The following PRKCD variants were observed in gnomAD, a reference collection of about 807,000 sequenced individuals.
PRKCD encodes protein kinase C delta, also known as protein kinase C delta type.
PRKCD carries 20 observed loss-of-function variants against 82.2 expected under a neutral mutation model. The observed-to-expected ratio is 0.24, with a 90% CI of 0.17 to 0.35. The LOEUF is 0.35. PRKCD is among the 10% of genes least tolerant of loss of function. PRKCD has a pLI of 1.00. For missense variants in PRKCD, 607 were observed against 899.0 expected, an observed-to-expected ratio of 0.68 and a Z score of 4.15; for synonymous variants, 317 against 337.0, an observed-to-expected ratio of 0.94 and a Z score of 0.65.
chr3:53,186,465 C>T, intron 13 of PRKCD, 125 bp downstream of exon 13: 5 of 1,255,222 alleles, frequency 4.0e-6, no homozygotes, highest in South Asian at 2.7e-5. Flanking sequence ...TTTCCCCCCT[C>T]ATGCCTCCCA....
At chr3:53,170,493 A>G (rs1006780215) in intron 2 of PRKCD, among the ~76,000 whole-genome samples, 3 of 152,220 alleles carry the variant, frequency 2.0e-5, no homozygotes, top group Non-Finnish European at 1.5e-5. Flanking sequence ...AACCTCCACC[A>G]TAGCCTCAGG....
At chr3:53,182,036 C>T (rs782637424) in intron 7 of PRKCD, 38 of 539,576 alleles carry the variant, frequency 7.0e-5, no homozygotes, top group African/African-American at 2.0e-4. Flanking sequence ...CTCTTTTCCT[C>T]GGAGAGGCAA....
chr3:53,179,579 C>T lies in PRKCD; in HGVS notation c.118C>T (p.Arg40Cys), dbSNP rs771826283. The change falls in exon 4 of 19, where the codon CGT becomes TGT. Residue 40 changes from arginine (R) to cysteine (C), a missense_variant and splice_region_variant. Around this residue, in one of 5 missense-constraint regions of PRKCD, gnomAD observed 161 missense variants for 227.0 expected, o/e 0.71. Coordinates refer to ENST00000330452, the MANE Select transcript of PRKCD (RefSeq NM_006254.4). ...VKMKEALSTE[R>C]GKTLVQKKPT... ...TTCTCTGCCTGGCCTTGTTGCAGAGCGTGGGAAAACACTGGTGCAGAAGAA... is the reference window on the plus strand; with the variant it reads ...TTCTCTGCCTGGCCTTGTTGCAGAGTGTGGGAAAACACTGGTGCAGAAGAA... 2.5e-6 allele frequency: 4 copies of T among 1,614,138 alleles called. No individual in the cohort carries two copies. The highest frequency in any genetic ancestry group is 3.4e-6 in the Non-Finnish European group (4 of 1,180,008).
intron 2 of PRKCD, among the ~76,000 whole-genome samples, chr3:53,165,723 C>A (rs782069849): frequency 7.9e-5 from 12 of 152,236 alleles, no homozygotes; most frequent in Non-Finnish European, 1.6e-4. Context: ...CAGGCCCCTC[C>A]ATTTTCCCCA....
At position 53,181,707 on chromosome 3, in the gene PRKCD, C is replaced by A. The variant is rs1157399584; in HGVS notation, c.546C>A (p.Leu182=). The A allele has an allele frequency of 1.2e-6, 2 of 1,613,044 alleles. No individual in the cohort carries two copies. The highest frequency in any genetic ancestry group is 2.7e-5 in the African/African-American group (2 of 75,054). ...CCTGGGTTTTGCCTTTCAGGGGCCTCAACAAGCAAGGCTACAAATGCAGGC... is the reference window on the plus strand; with the variant it reads ...CCTGGGTTTTGCCTTTCAGGGGCCTAAACAAGCAAGGCTACAAATGCAGGC... ...CSVCKDFVWG[L]NKQGYKCRQC... The change falls in exon 7 of 19, where the codon CTC becomes CTA. Residue 182 remains leucine (L), a synonymous_variant. Coordinates refer to ENST00000330452, the MANE Select transcript of PRKCD (RefSeq NM_006254.4).
intron 8 of PRKCD, 55 bp from the exon 9 acceptor site, chr3:53,183,397 A>C: frequency 6.2e-7 from 1 of 1,606,544 alleles, no homozygotes. Context: ...CTAGGGGTTG[A>C]AGAAGAGGCT....
At chr3:53,189,385 G>T in intron 17 of PRKCD, 139 bp downstream of exon 17, 1 of 934,714 alleles carries the variant, frequency 1.1e-6, no homozygotes, top group Non-Finnish European at 1.6e-6. Flanking sequence ...ACGGGGTATT[G>T]CTCTCTCACC....
chr3:53,168,379 T>A (rs1352169348), intron 2 of PRKCD, among the ~76,000 whole-genome samples: 1 of 151,500 alleles, frequency 6.6e-6, no homozygotes, highest in African/African-American at 2.4e-5. Flanking sequence ...AGGCTGGGGA[T>A]GAGGAGTGTT....
intron 2 of PRKCD, 42 bp from the exon 3 acceptor site, chr3:53,178,361 TG>T: frequency 7.2e-7 from 1 of 1,395,578 alleles, no homozygotes; most frequent in Non-Finnish European, 1.0e-6. Flanking sequence ...CTGTTCCCGC[TG>T]GTCCCGCCCG....
At chr3:53,167,847 A>G (rs963002871) in intron 2 of PRKCD, among the ~76,000 whole-genome samples, 5 of 152,184 alleles carry the variant, frequency 3.3e-5, no homozygotes, top group South Asian at 4.1e-4. Context: ...CATCCCCCTC[A>G]ATTCTACCTC....
intron 15 of PRKCD, 115 bp from the exon 16 acceptor site, chr3:53,188,605 C>T (rs1703800604): frequency 1.5e-6 from 2 of 1,362,286 alleles, no homozygotes; most frequent in Non-Finnish European, 2.0e-6. Flanking sequence ...TTCTCATTCC[C>T]TTGTACCCTT....
At chr3:53,189,444 C>T (rs1703843443) in intron 17 of PRKCD, among the ~76,000 whole-genome samples, 198 bp downstream of exon 17, 3 of 152,182 alleles carry the variant, frequency 2.0e-5, no homozygotes, top group Admixed American at 6.5e-5. Context: ...ATCAGCCTGA[C>T]ATGGTGACTA....
intron 2 of PRKCD, among the ~76,000 whole-genome samples, chr3:53,167,351 G>A (rs1270049890): frequency 6.6e-6 from 1 of 152,176 alleles, no homozygotes. Context: ...GGCAGGTCAC[G>A]AAGTCCCCTG....
At chr3:53,188,187 CAAAAAAAAAAAAAA>C (rs557772373) in intron 15 of PRKCD, among the ~76,000 whole-genome samples, 4 of 45,588 alleles carry the variant, frequency 8.8e-5, no homozygotes, top group Non-Finnish European at 1.2e-4. Context: ...GACTGTGTCT[CAAAAAAAAAAAAAA>C]AAAAAAAAAA....
chr3:53,183,245 G>C, intron 8 of PRKCD, 39 bp downstream of exon 8: 2 of 1,605,688 alleles, frequency 1.2e-6, no homozygotes, highest in Non-Finnish European at 1.7e-6. Flanking sequence ...GATCTGGGGG[G>C]CTTGGCCAGA....
At chr3:53,168,755 A>G (rs1702915752) in intron 2 of PRKCD, among the ~76,000 whole-genome samples, 1 of 150,088 alleles carries the variant, frequency 6.7e-6, no homozygotes. Context: ...CGGGAACTGA[A>G]AGGGGTCAGC....
chr3:53,186,498 C>T lies in PRKCD; in HGVS notation c.1261-106C>T, dbSNP rs138483122. On this transcript the variant is annotated intron_variant, in intron 13 of 18. Coordinates refer to ENST00000330452, the MANE Select transcript of PRKCD (RefSeq NM_006254.4). ...CCAGGGCAGAGTCGTCCACCTCAGC[C>T]AGGGCCTGTCCCTGCTGTTTCCTGT... 3.5e-4 allele frequency: 480 copies of T among 1,381,496 alleles called. 4 individuals are homozygous for T. The African/African-American group carries it at 6.2e-3, about 18-fold the overall frequency. The allele number at this position is 1,381,496 out of a possible 1,614,324, so 85.6% of individuals were successfully genotyped here.
chr3:53,185,759 G>C, intron 11 of PRKCD, 59 bp downstream of exon 11: 1 of 1,571,408 alleles, frequency 6.4e-7, no homozygotes, highest in Non-Finnish European at 8.8e-7. Flanking sequence ...CAAAGAAAGG[G>C]GACTGTCCTC....
chr3:53,188,811 A>G lies in PRKCD; in HGVS notation c.1507A>G (p.Ser503Gly), dbSNP rs1553670052. The change falls in exon 16 of 19, where the codon AGC becomes GGC. Residue 503 changes from serine (S) to glycine (G), a missense_variant. Coordinates refer to ENST00000330452, the MANE Select transcript of PRKCD (RefSeq NM_006254.4). ...GTGCAAAGAGAACATATTCGGGGAGAGCCGGGCCAGCACCTTCTGCGGCAC... is the reference window on the plus strand; with the variant it reads ...GTGCAAAGAGAACATATTCGGGGAGGGCCGGGCCAGCACCTTCTGCGGCAC... ...GMCKENIFGE[S>G]RASTFCGTPD... The G allele has an allele frequency of 6.2e-7, 1 of 1,614,090 alleles. No homozygotes were observed.
Sources: allele counts gnomAD v4.1 joint callset (sites outside exome capture counted in the v4.1 genomes callset), GRCh38; gene constraint gnomAD v4.1.1; regional missense constraint gnomAD v4.1.1; transcripts MANE v1.5; gene names NCBI Gene and HGNC (gene_info 2026-07-23, HGNC 2026-07-21).